The following SYNPO2 variants were observed in gnomAD, a reference collection of about 807,000 sequenced individuals.
SYNPO2 encodes the protein synaptopodin 2.
In SYNPO2, 56 loss-of-function variants were observed where a neutral mutation model predicts 85.0. The observed-to-expected ratio is 0.66, with a 90% CI of 0.53 to 0.82. The LOEUF (loss-of-function observed/expected upper bound fraction) is 0.82. Among genes scored for constraint, SYNPO2 ranks in the 40% least tolerant of loss-of-function variants. The probability of loss-of-function intolerance (pLI) is 0.00; values close to 1 mark genes in which losing one functional copy is unlikely to be tolerated. For synonymous variants in SYNPO2, 602 were observed against 591.1 expected, an observed-to-expected ratio of 1.02 and a Z score of -0.27; for missense variants, 1,575 against 1,534.2, an observed-to-expected ratio of 1.03 and a Z score of -0.44.
chr4:118,997,239 C>CAAAAAAAAAAAAAAAAAAAAAA (rs1434428754), intron 1 of SYNPO2, among the ~76,000 whole-genome samples: 2 of 65,222 alleles, frequency 3.1e-5, no homozygotes, highest in Admixed American at 1.8e-4. Flanking sequence ...GACTCCGTCT[C>CAAAAAAAAAAAAAAAAAAAAAA]AAAAAAAAAA....
chr4:118,990,579 C>T (rs935154885), intron 1 of SYNPO2, among the ~76,000 whole-genome samples: 1 of 152,096 alleles, frequency 6.6e-6, no homozygotes. Context: ...CAATTCTGAG[C>T]AGGGAGGCTA....
At chr4:118,910,709 GTGTT>G (rs1733107034) in intron 1 of SYNPO2, among the ~76,000 whole-genome samples, 1 of 151,818 alleles carries the variant, frequency 6.6e-6, no homozygotes, top group Admixed American at 6.6e-5. Flanking sequence ...GGATGAGTGT[GTGTT>G]TGTGTGTGTG....
Position 118,889,020 on chromosome 4 carries a change from C to G in SYNPO2, c.-17C>G, listed in dbSNP as rs1732277260. 6.2e-7 allele frequency: 1 copy of G among 1,613,478 alleles called. No homozygotes were observed. The highest frequency in any genetic ancestry group is 8.5e-7 in the Non-Finnish European group (1 of 1,179,526). Reference sequence around the variant, plus strand: ...TGTCTCGTCAAGCTCTTCATGCTGCCCAACTAAAAGGAAAACATGGGCACA... The same window carrying G: ...TGTCTCGTCAAGCTCTTCATGCTGCGCAACTAAAAGGAAAACATGGGCACA... On this transcript the variant is annotated 5_prime_UTR_variant, in exon 1 of 5. Transcript: ENST00000307142.
chr4:118,947,910 C>T lies in SYNPO2; in HGVS notation c.105+58769C>T, dbSNP rs973072774. Among the ~76,000 whole-genome samples, 3 of 152,086 alleles carry T rather than the reference C, an allele frequency of 2.0e-5. 1 individual carries two copies. Among genetic ancestry groups the T allele is most frequent in the Middle Eastern group, 6.3e-3 (2 of 316 alleles). ...GTAGACTGGATACCATTAGTATTGT[C>T]CAAATGACTCTCATTGCTTAATGCC... On this transcript the variant is annotated intron_variant, in intron 1 of 4. Transcript: ENST00000307142.
rs150615800 is a variant in SYNPO2 at position 118,910,713 on chromosome 4, TTGTG to T, written c.105+21583_105+21586del. 5.6e-3 allele frequency among the ~76,000 whole-genome samples: 851 copies of T among 151,214 alleles called. 12 individuals carry two copies. Among genetic ancestry groups the T allele is most frequent in the African/African-American group, 0.019 (798 of 41,308 alleles). On this transcript the variant is annotated intron_variant, in intron 1 of 4. Transcript: ENST00000307142. ...AGCATGTGGGTGGATGAGTGTGTGT[TTGTG>T]TGTGTGTGTGAGTGTGCAGTCTAAT...
rs568868405 is a variant in SYNPO2, at chr4:119,030,977, C to T, written c.2202C>T (p.Asp734=). The change falls in exon 4 of 5, where the codon GAC becomes GAT. Residue 734 remains aspartate, a synonymous_variant. Transcript: ENST00000307142. The part of the protein sequence containing the change: ...GAGGDSGPEE[D]YLSLGAEACN... ...GAGGTGATTCCGGACCGGAAGAAGA[C>T]TACCTCAGCTTGGGGGCAGAGGCTT... 5.0e-6 allele frequency: 8 copies of T among 1,614,176 alleles called. No homozygotes were observed. In the South Asian group the frequency reaches 7.7e-5, roughly 16 times the overall value.
chr4:118,876,646 TCTTC>T (rs200405166), intron 1 of SYNPO2, among the ~76,000 whole-genome samples: 2,407 of 148,502 alleles, frequency 0.016, 29 homozygotes, highest in Non-Finnish European at 0.025. Context: ...TTCCTTCCTT[TCTTC>T]CTTCCTTCCT....
At chr4:119,036,291 G>T (rs1376229592) in intron 4 of SYNPO2, 1 of 985,248 alleles carries the variant, frequency 1.0e-6, no homozygotes, top group Non-Finnish European at 1.2e-6. Flanking sequence ...TGTTGAGTTT[G>T]TTTTTAAACA....
intron 1 of SYNPO2, among the ~76,000 whole-genome samples, chr4:118,983,072 C>G (rs918388626): frequency 1.3e-5 from 2 of 152,074 alleles, no homozygotes; most frequent in Non-Finnish European, 2.9e-5. Flanking sequence ...TGCAAATCTC[C>G]AAACAGAAAC....
chr4:119,006,601 C>T (rs567117581), intron 1 of SYNPO2, among the ~76,000 whole-genome samples: 10 of 152,118 alleles, frequency 6.6e-5, no homozygotes, highest in South Asian at 4.2e-4. Context: ...ATATCAAAAG[C>T]GGAAACTAAT....
At chr4:118,882,833 G>C (rs538014017) in intron 1 of SYNPO2, among the ~76,000 whole-genome samples, 2 of 151,524 alleles carry the variant, frequency 1.3e-5, no homozygotes, top group Non-Finnish European at 2.9e-5. Context: ...GCAATGGTGC[G>C]ATCTCGGCTC....
intron 1 of SYNPO2, among the ~76,000 whole-genome samples, chr4:119,003,007 G>T (rs188322312): frequency 3.3e-5 from 5 of 152,124 alleles, no homozygotes; most frequent in Admixed American, 3.3e-4. Flanking sequence ...CTGTTATTTA[G>T]CTGTTGAACC....
intron 1 of SYNPO2, among the ~76,000 whole-genome samples, chr4:118,927,531 C>T (rs1400567345): frequency 1.3e-5 from 2 of 152,152 alleles, no homozygotes; most frequent in Non-Finnish European, 2.9e-5. Flanking sequence ...GTCTTTCTTC[C>T]ATTACCATGC....
At chr4:118,879,857 T>G (rs7695141) in intron 1 of SYNPO2, among the ~76,000 whole-genome samples, 35 of 152,064 alleles carry the variant, frequency 2.3e-4, no homozygotes, top group African/African-American at 7.5e-4. Context: ...CTGCCCTTGA[T>G]GTCCCGCCTC....
chr4:118,951,999 G>T (rs926049667), intron 1 of SYNPO2, among the ~76,000 whole-genome samples: 1 of 152,082 alleles, frequency 6.6e-6, no homozygotes, highest in African/African-American at 2.4e-5. Context: ...GTCTTAAAAG[G>T]GACTGACCTG....
chr4:118,984,268 T>C (rs1408435416), intron 1 of SYNPO2, among the ~76,000 whole-genome samples: 1 of 152,214 alleles, frequency 6.6e-6, no homozygotes, highest in African/African-American at 2.4e-5. Flanking sequence ...AGAGAAAATT[T>C]ACATTATGTA....
At chr4:118,891,509 C>A (rs1430463478) in intron 1 of SYNPO2, among the ~76,000 whole-genome samples, 4 of 152,096 alleles carry the variant, frequency 2.6e-5, no homozygotes, top group Non-Finnish European at 5.9e-5. Flanking sequence ...TGTTTGATTT[C>A]TTATACTAGC....
intron 1 of SYNPO2, among the ~76,000 whole-genome samples, chr4:118,971,729 C>A (rs958894231): frequency 2.0e-5 from 3 of 152,144 alleles, no homozygotes; most frequent in Non-Finnish European, 1.5e-5. Flanking sequence ...AAAGACCTGG[C>A]CAGCTTTTCC....
chr4:118,988,417 G>A (rs1053630365), intron 1 of SYNPO2, among the ~76,000 whole-genome samples: 9 of 151,932 alleles, frequency 5.9e-5, no homozygotes, highest in African/African-American at 1.7e-4. Context: ...TTCCCTAAAA[G>A]CAGAGGTTCC....
Sources: gnomAD v4.1 joint callset for allele counts (sites outside exome capture counted in the v4.1 genomes callset) on GRCh38, gnomAD v4.1.1 for gene constraint, MANE v1.5 for transcripts, NCBI Gene and HGNC (gene_info 2026-07-23, HGNC 2026-07-21) for gene names.